ROBO2: variants seen among roughly 807,000 people sequenced by gnomAD.
The protein encoded by ROBO2 is roundabout guidance receptor 2.
ROBO2 carries 53 observed loss-of-function variants against 160.8 expected under a neutral mutation model. The observed-to-expected ratio is 0.33, with a 90% CI of 0.26 to 0.41. The LOEUF is 0.41. Among genes scored for constraint, ROBO2 ranks in the 10% least tolerant of loss-of-function variants. The pLI is 1.00. For missense variants in ROBO2, 1,577 were observed against 1,722.4 expected (o/e 0.92, Z 1.49); for synonymous variants, 664 against 611.7 (o/e 1.09, Z -1.26).
chr3:77,567,097 A>G (rs942015268), intron 12 of ROBO2, among the ~76,000 whole-genome samples: 1 of 152,024 alleles, frequency 6.6e-6, no homozygotes, highest in Non-Finnish European at 1.5e-5. Context: ...GAAAAAAAAA[A>G]AGTAGAACTG....
intron 2 of ROBO2, among the ~76,000 whole-genome samples, chr3:77,461,949 C>A (rs1341913849): frequency 1.3e-5 from 2 of 152,142 alleles, no homozygotes; most frequent in Non-Finnish European, 2.9e-5. Flanking sequence ...TGGTGTCTAT[C>A]TTCTGACCTC....
At chr3:76,397,301 T>C (rs1207840216) in intron 2 of ROBO2, among the ~76,000 whole-genome samples, 1 of 152,122 alleles carries the variant, frequency 6.6e-6, no homozygotes, top group African/African-American at 2.4e-5. Context: ...ATCCCTTCCT[T>C]ACACCTTATA....
intron 2 of ROBO2, among the ~76,000 whole-genome samples, chr3:76,758,044 T>C (rs949507382): frequency 2.6e-5 from 4 of 151,842 alleles, no homozygotes; most frequent in Non-Finnish European, 4.4e-5. Flanking sequence ...CAGTTAATTA[T>C]TAAAATCAAA....
intron 2 of ROBO2, among the ~76,000 whole-genome samples, chr3:76,954,731 C>T (rs2079146799): frequency 6.6e-6 from 1 of 152,106 alleles, no homozygotes; most frequent in African/African-American, 2.4e-5. Flanking sequence ...AAAAAGAACA[C>T]AATTATGCAA....
intron 21 of ROBO2, 49 bp downstream of exon 22, chr3:77,608,003 C>A (rs1336604526): frequency 6.3e-7 from 1 of 1,591,660 alleles, no homozygotes; most frequent in East Asian, 2.2e-5. Flanking sequence ...CTCCTCTCCT[C>A]TCTGTTGTTC....
intron 2 of ROBO2, among the ~76,000 whole-genome samples, chr3:76,249,044 A>C (rs1037974906): frequency 3.2e-4 from 49 of 152,138 alleles, no homozygotes; most frequent in Non-Finnish European, 5.7e-4. Context: ...GGAATGAAAA[A>C]CTGGGAATTC....
chr3:76,343,116 A>G (rs992240909), intron 2 of ROBO2, among the ~76,000 whole-genome samples: 1 of 152,090 alleles, frequency 6.6e-6, no homozygotes, highest in Non-Finnish European at 1.5e-5. Flanking sequence ...TAGTTCAGAA[A>G]TCTAACTTGT....
rs534823750 is a variant in ROBO2, at chr3:77,447,152, A to G, written c.389-30262A>G. 8.5e-5 allele frequency among the ~76,000 whole-genome samples: 13 copies of G among 152,266 alleles called. No homozygotes were observed. The South Asian group carries it at 2.7e-3, about 32-fold the overall frequency. ...TTTTCTCAAGTATATTGAGATTTTA[A>G]TTGATACTACACCTTGAAATGTTTC... On this transcript the variant is annotated intron_variant, in intron 2 of 25. Coordinates refer to ENST00000461745, the Ensembl canonical transcript of ROBO2.
chr3:77,507,609 A>G (rs1582560194), intron 5 of ROBO2, among the ~76,000 whole-genome samples: 1 of 152,166 alleles, frequency 6.6e-6, no homozygotes, highest in East Asian at 1.9e-4. Context: ...TTTCTACCCA[A>G]ACGCACAACT....
chr3:76,301,743 C>G (rs1272048606), intron 2 of ROBO2, among the ~76,000 whole-genome samples: 2 of 152,074 alleles, frequency 1.3e-5, no homozygotes, highest in African/African-American at 4.8e-5. Flanking sequence ...GAACACAAAC[C>G]CAGAATTTTA....
At chr3:77,612,327 T>A (rs2153699220) in intron 21 of ROBO2, among the ~76,000 whole-genome samples, 1 of 152,322 alleles carries the variant, frequency 6.6e-6, no homozygotes, top group African/African-American at 2.4e-5. Flanking sequence ...TGTAGAGTCA[T>A]CTGTTACTTT....
intron 2 of ROBO2, among the ~76,000 whole-genome samples, chr3:76,242,125 A>T (rs1173509265): frequency 6.6e-6 from 1 of 152,202 alleles, no homozygotes; most frequent in Non-Finnish European, 1.5e-5. Flanking sequence ...AAGCGGTCAA[A>T]TAATGGATCT....
chr3:76,655,585 T>G (rs959851119), intron 2 of ROBO2, among the ~76,000 whole-genome samples: 20 of 149,216 alleles, frequency 1.3e-4, no homozygotes, highest in Admixed American at 3.4e-4. Flanking sequence ...CTTTTGGTAC[T>G]CTAGTTTTTG....
intron 2 of ROBO2, among the ~76,000 whole-genome samples, chr3:76,099,196 C>T (rs535297191): frequency 2.0e-5 from 3 of 151,982 alleles, no homozygotes; most frequent in South Asian, 2.1e-4. Flanking sequence ...TGAGTTTAGC[C>T]GTTCCTTTTC....
chr3:76,264,031 G>T (rs537126961), intron 2 of ROBO2, among the ~76,000 whole-genome samples: 1 of 152,104 alleles, frequency 6.6e-6, no homozygotes, highest in African/African-American at 2.4e-5. Flanking sequence ...AGAACACATG[G>T]ACACAGGGAG....
At chr3:76,054,333 T>C (rs989837166) in intron 2 of ROBO2, among the ~76,000 whole-genome samples, 1 of 152,282 alleles carries the variant, frequency 6.6e-6, no homozygotes, top group Middle Eastern at 3.4e-3. Flanking sequence ...CTACCTCCAA[T>C]AATTGGAAAA....
At chr3:77,453,314 A>G (rs996428942) in intron 2 of ROBO2, among the ~76,000 whole-genome samples, 3 of 151,994 alleles carry the variant, frequency 2.0e-5, no homozygotes, top group Non-Finnish European at 4.4e-5. Context: ...TAAAGAGAAC[A>G]TGGTATCTCT....
intron 2 of ROBO2, among the ~76,000 whole-genome samples, chr3:76,662,177 C>T (rs1275191597): frequency 1.3e-5 from 2 of 152,042 alleles, no homozygotes; most frequent in African/African-American, 2.4e-5. Flanking sequence ...AGAAGGGGTC[C>T]CTTCAGTTGG....
chr3:76,246,112 TG>T (rs151134838), intron 2 of ROBO2, among the ~76,000 whole-genome samples: 4,844 of 152,276 alleles, frequency 0.032, 87 homozygotes, highest in South Asian at 0.078. Context: ...ATGTGTATTT[TG>T]TTAGTGAAGA....
Sources: allele counts gnomAD v4.1 joint callset (sites outside exome capture counted in the v4.1 genomes callset), GRCh38; gene constraint gnomAD v4.1.1; transcripts MANE v1.5; gene names NCBI Gene and HGNC (gene_info 2026-07-23, HGNC 2026-07-21).